The following ATF2 variants were observed in gnomAD, a reference collection of about 807,000 sequenced individuals.
ATF2 encodes cyclic AMP-dependent transcription factor ATF-2.
A neutral mutation model predicts 60.6 loss-of-function variants in ATF2; 24 were observed. The ratio of observed to expected loss-of-function variants is 0.40; its 90% CI spans 0.29 to 0.56. ATF2 has a LOEUF of 0.56. ATF2 is among the 20% of genes least tolerant of loss of function. The pLI is 0.54. For synonymous variants in ATF2, 206 were observed against 215.4 expected (o/e 0.96, Z 0.38); for missense variants, 433 against 607.7 (o/e 0.71, Z 3.02).
At position 175,090,878 on chromosome 2, in the gene ATF2, G is replaced by A. The variant is rs1243552326; in HGVS notation, c.1185+2183C>T. Among the ~76,000 whole-genome samples, 3 of 152,082 alleles carry A rather than the reference G, an allele frequency of 2.0e-5. No homozygotes were observed. The East Asian group carries it at 5.8e-4, about 29-fold the overall frequency. On this transcript the variant is annotated intron_variant, in intron 12 of 13. Transcript: ENST00000264110. ...ATGACATTTTAATCATAGACTGTGT[G>A]ACAGAAAAAACATGAAATAAATGGA...
chr2:175,080,595 T>C, intron 13 of ATF2, 65 bp downstream of exon 13: 1 of 1,212,908 alleles, frequency 8.2e-7, no homozygotes, highest in Non-Finnish European at 1.2e-6. Context: ...AAGTAGCAGC[T>C]CAGTTCACTC....
At chr2:175,106,767 C>G (rs1695699151) in intron 10 of ATF2, among the ~76,000 whole-genome samples, 1 of 152,070 alleles carries the variant, frequency 6.6e-6, no homozygotes, top group South Asian at 2.1e-4. Context: ...ACCCTGGAGG[C>G]AGAGGTTGCA....
chr2:175,162,298 A>C (rs969540642), intron 1 of ATF2, among the ~76,000 whole-genome samples: 1 of 152,254 alleles, frequency 6.6e-6, no homozygotes, highest in African/African-American at 2.4e-5. Context: ...AAAACTGCTA[A>C]ATAATACAAC....
At chr2:175,167,829 C>G in intron 1 of ATF2, 1 of 419,800 alleles carries the variant, frequency 2.4e-6, no homozygotes, top group Non-Finnish European at 5.1e-6. Flanking sequence ...ACCTAACGGT[C>G]CGGCCCAGCC....
At chr2:175,123,613 G>A (rs1001392664) in intron 4 of ATF2, among the ~76,000 whole-genome samples, 4 of 151,946 alleles carry the variant, frequency 2.6e-5, no homozygotes, top group African/African-American at 9.7e-5. Flanking sequence ...ATACGAAATG[G>A]CACCAAGTTC....
At chr2:175,103,736 A>G (rs1047349308) in intron 10 of ATF2, among the ~76,000 whole-genome samples, 1 of 152,144 alleles carries the variant, frequency 6.6e-6, no homozygotes, top group African/African-American at 2.4e-5. Context: ...CTAAATCTTA[A>G]AATTCCCAGA....
intron 10 of ATF2, among the ~76,000 whole-genome samples, chr2:175,108,725 G>A (rs909720189): frequency 6.6e-5 from 10 of 152,188 alleles, no homozygotes; most frequent in Admixed American, 2.0e-4. Flanking sequence ...GCGGTTTTGC[G>A]GAATAGAAAA....
At chr2:175,165,065 C>T (rs1488277460) in intron 1 of ATF2, among the ~76,000 whole-genome samples, 6 of 152,138 alleles carry the variant, frequency 3.9e-5, no homozygotes, top group African/African-American at 9.7e-5. Context: ...TCAGCTGATC[C>T]GCCTGCCTCA....
intron 10 of ATF2, among the ~76,000 whole-genome samples, chr2:175,104,873 T>C (rs1225824411): frequency 6.6e-6 from 1 of 152,234 alleles, no homozygotes; most frequent in African/African-American, 2.4e-5. Context: ...CCTTGGACTT[T>C]AAGTGAAAAT....
chr2:175,148,819 T>A (rs1699117345), intron 2 of ATF2, among the ~76,000 whole-genome samples: 1 of 152,162 alleles, frequency 6.6e-6, no homozygotes, highest in Non-Finnish European at 1.5e-5. Flanking sequence ...CAGAAAATCT[T>A]TGAATCCTAT....
At chr2:175,121,157 T>C (rs1409355857) in intron 5 of ATF2, among the ~76,000 whole-genome samples, 1 of 151,836 alleles carries the variant, frequency 6.6e-6, no homozygotes, top group Non-Finnish European at 1.5e-5. Flanking sequence ...GTTAGTTCAA[T>C]TATTAGTTAA....
intron 1 of ATF2, among the ~76,000 whole-genome samples, chr2:175,156,002 T>C (rs1052107446): frequency 6.6e-6 from 1 of 152,124 alleles, no homozygotes; most frequent in African/African-American, 2.4e-5. Context: ...TCCAAAGATG[T>C]CCATACCCTA....
intron 12 of ATF2, among the ~76,000 whole-genome samples, chr2:175,091,745 C>G (rs71419415): frequency 6.6e-6 from 1 of 152,052 alleles, no homozygotes; most frequent in South Asian, 2.1e-4. Flanking sequence ...CACCTGTAAT[C>G]CCAGCTACCT....
intron 10 of ATF2, among the ~76,000 whole-genome samples, chr2:175,102,870 A>C (rs139702098): frequency 9.3e-4 from 142 of 152,332 alleles, no homozygotes; most frequent in African/African-American, 3.4e-3. Context: ...GATAAACAAA[A>C]ATGTCTTCAT....
chr2:175,078,577 G>A (rs1260787565), intron 13 of ATF2, among the ~76,000 whole-genome samples: 3 of 152,136 alleles, frequency 2.0e-5, no homozygotes, highest in Non-Finnish European at 4.4e-5. Context: ...CTAAAACTGG[G>A]CGGGACAGAC....
chr2:175,075,549 C>G (rs1693234070), intron 13 of ATF2, among the ~76,000 whole-genome samples: 1 of 152,066 alleles, frequency 6.6e-6, no homozygotes, highest in African/African-American at 2.4e-5. Context: ...ATATTTAGAC[C>G]TGAACAAGTC....
intron 10 of ATF2, among the ~76,000 whole-genome samples, chr2:175,103,506 G>A (rs964650380): frequency 1.3e-4 from 20 of 152,132 alleles, no homozygotes; most frequent in African/African-American, 4.3e-4. Context: ...GCAGAGGCAG[G>A]TCAGAAGAAT....
At chr2:175,084,447 G>C (rs1398206496) in intron 12 of ATF2, among the ~76,000 whole-genome samples, 46 of 133,086 alleles carry the variant, frequency 3.5e-4, no homozygotes, top group African/African-American at 1.3e-3. Flanking sequence ...CGAACAATGA[G>C]AACACATGGA....
At chr2:175,122,693 T>G (rs1471923606) in intron 4 of ATF2, among the ~76,000 whole-genome samples, 1 of 152,044 alleles carries the variant, frequency 6.6e-6, no homozygotes, top group East Asian at 1.9e-4. Flanking sequence ...ATGCCTTGGT[T>G]ATAGCACCTA....
Sources: gnomAD v4.1 joint callset for allele counts (sites outside exome capture counted in the v4.1 genomes callset) on GRCh38, gnomAD v4.1.1 for gene constraint, MANE v1.5 for transcripts, NCBI Gene and HGNC (gene_info 2026-07-23, HGNC 2026-07-21) for gene names.